The following SHROOM4 variants were observed in gnomAD, a reference collection of about 807,000 sequenced individuals.
SHROOM4 encodes the protein protein Shroom4.
SHROOM4 carries 17 observed loss-of-function variants against 80.3 expected under a neutral mutation model. The ratio of observed to expected loss-of-function variants is 0.21; its 90% CI spans 0.14 to 0.32. The LOEUF is 0.32. Ranked by LOEUF, SHROOM4 falls within the 10% of genes least tolerant of loss-of-function variation. The pLI is 1.00. For missense variants in SHROOM4, 993 were observed against 1,140.3 expected, an observed-to-expected ratio of 0.87 and a Z score of 1.86; for synonymous variants, 400 against 437.5, an observed-to-expected ratio of 0.91 and a Z score of 1.07.
intron 1 of SHROOM4, among the ~76,000 whole-genome samples, chrX:50,811,407 G>A (rs1557273433): frequency 9.1e-6 from 1 of 110,487 alleles, no homozygotes; most frequent in East Asian, 2.8e-4. Context: ...CTAGACCCAG[G>A]TAGGGCAAGT....
intron 2 of SHROOM4, among the ~76,000 whole-genome samples, chrX:50,682,674 T>G (rs192153860): frequency 2.7e-5 from 3 of 111,689 alleles, no homozygotes; most frequent in Non-Finnish European, 5.6e-5. Flanking sequence ...GTCTTGAGTG[T>G]TGAATAAGAG....
chrX:50,773,113 T>G (rs1462777258), intron 1 of SHROOM4, among the ~76,000 whole-genome samples: 1 of 112,494 alleles, frequency 8.9e-6, no homozygotes, highest in Non-Finnish European at 1.9e-5. Context: ...CCAGGCTCTG[T>G]GTTAGGTGCT....
intron 1 of SHROOM4, among the ~76,000 whole-genome samples, chrX:50,772,518 T>A (rs7054893): frequency 0.12 from 13,221 of 110,939 alleles, 1,588 homozygotes; most frequent in African/African-American, 0.37. Flanking sequence ...CTTCCTCTTC[T>A]AGGGCCCTTT....
intron 1 of SHROOM4, among the ~76,000 whole-genome samples, chrX:50,775,176 A>T (rs1935478335): frequency 1.8e-5 from 2 of 111,616 alleles, no homozygotes; most frequent in South Asian, 7.6e-4. Flanking sequence ...TAGACAGCAG[A>T]TACCAGTTTG....
chrX:50,656,026 T>A (rs1188109308), intron 2 of SHROOM4, among the ~76,000 whole-genome samples: 2 of 111,990 alleles, frequency 1.8e-5, no homozygotes, highest in African/African-American at 3.2e-5. Flanking sequence ...AACATTTTTT[T>A]AAATATACCT....
intron 1 of SHROOM4, among the ~76,000 whole-genome samples, chrX:50,797,134 A>G (rs1557272189): frequency 9.1e-6 from 1 of 109,854 alleles, no homozygotes; most frequent in African/African-American, 3.3e-5. Context: ...TATCCACAGG[A>G]TAGAGATAAG....
chrX:50,796,027 G>A (rs1209460701), intron 1 of SHROOM4, among the ~76,000 whole-genome samples: 1 of 111,658 alleles, frequency 9.0e-6, no homozygotes, highest in South Asian at 3.8e-4. Flanking sequence ...GGAGAACTTC[G>A]GATGCCAGAC....
Position 50,805,828 on chromosome X carries a change from T to C in SHROOM4, c.117+8074A>G, listed in dbSNP as rs782047227. ...GATTCTGTCCATCACTGAAACAGGA[T>C]AGAGAGAGATGCAGTGTGAGGAAAT... On this transcript the variant is annotated intron_variant, in intron 1 of 8. Transcript: ENST00000376020. Among the ~76,000 whole-genome samples, 5 of 111,632 alleles carry C rather than the reference T, an allele frequency of 4.5e-5. No homozygotes were observed. In the South Asian group the frequency reaches 1.1e-3, roughly 26 times the overall value.
chrX:50,745,721 G>T (rs1360155101), intron 1 of SHROOM4, among the ~76,000 whole-genome samples: 1 of 111,025 alleles, frequency 9.0e-6, no homozygotes, highest in African/African-American at 3.3e-5. Context: ...CAGCTGGTAA[G>T]AAAGAGACCC....
intron 2 of SHROOM4, among the ~76,000 whole-genome samples, chrX:50,688,872 G>A (rs782654908): frequency 9.1e-6 from 1 of 109,828 alleles, no homozygotes; most frequent in South Asian, 4.0e-4. Context: ...TATATTTTTC[G>A]TGGTCACTTA....
chrX:50,730,119 T>C (rs372292342), intron 1 of SHROOM4, among the ~76,000 whole-genome samples: 303 of 112,178 alleles, frequency 2.7e-3, no homozygotes, highest in African/African-American at 9.2e-3. Context: ...ACCTTTTATC[T>C]CTTAACTGAT....
chrX:50,669,307 C>G (rs1366603437), intron 2 of SHROOM4, among the ~76,000 whole-genome samples: 1 of 111,663 alleles, frequency 9.0e-6, no homozygotes, highest in East Asian at 2.8e-4. Flanking sequence ...TTTCCCTCTC[C>G]TCTCTCCTCT....
chrX:50,742,643 G>C (rs1318155093), intron 1 of SHROOM4, among the ~76,000 whole-genome samples: 1 of 10,503 alleles, frequency 9.5e-5, no homozygotes, highest in Non-Finnish European at 8.8e-3. Context: ...GAATTTTTCG[G>C]GGGGGGGGGC....
rs188218253 is a variant in SHROOM4 at position 50,609,839 on chromosome X, C to T, written c.2958-1655G>A. On this transcript the variant is annotated intron_variant, in intron 5 of 8. Transcript: ENST00000376020. ...ATTCTCATAAGCAATAGAAGAAAAC[C>T]TCCAAATAAGTCCAGGTTTATTTGA... 6.5e-3 allele frequency among the ~76,000 whole-genome samples: 719 copies of T among 110,312 alleles called. 6 individuals carry two copies. Among genetic ancestry groups the T allele is most frequent in the African/African-American group, 0.023 (700 of 30,351 alleles).
Position 50,635,259 on chromosome X carries a change from C to T in SHROOM4, c.814G>A (p.Gly272Ser). Residue 272 changes from glycine to serine, a missense_variant, in exon 4 of 9, where the codon GGC becomes AGC. By Grantham distance (56) the Gly-to-Ser change is moderately conservative. Transcript: ENST00000376020. ...YQSGPAKAVR[G>S]PPQPPVRRDS... ...CGCCTCACTGGAGGTTGTGGTGGGC[C>T]CCTGACTGCTTTGGCGGGCCCTGAC... 2 of 1,202,619 alleles carry T rather than the reference C, an allele frequency of 1.7e-6. No homozygotes were observed. The highest frequency in any genetic ancestry group is 2.2e-6 in the Non-Finnish European group (2 of 890,868).
At position 50,707,625 on chromosome X, in the gene SHROOM4, C is replaced by T. The variant is rs146822384; in HGVS notation, c.118-11688G>A. On this transcript the variant is annotated intron_variant, in intron 1 of 8. Coordinates refer to ENST00000376020, the MANE Select transcript of SHROOM4 (RefSeq NM_020717.5). ...CTTCAATCAAACTGCTCTCCCCACC[C>T]CCACCCCAAGACAATTTCAGTTTCT... Among the ~76,000 whole-genome samples, 550 of 108,459 alleles carry T rather than the reference C, an allele frequency of 5.1e-3. 4 individuals are homozygous for T. The highest frequency in any genetic ancestry group is 0.014 in the Middle Eastern group (3 of 216). The allele number at this position is 108,459 out of a possible 115,157, so 94.2% of individuals were successfully genotyped here.
Position 50,587,066 on chromosome X carries a change from C to T in SHROOM4, c.*9629G>A, listed in dbSNP as rs782753015. On this transcript the variant is annotated 3_prime_UTR_variant, in exon 9 of 9. Coordinates refer to ENST00000376020, the MANE Select transcript of SHROOM4 (RefSeq NM_020717.5). ...GCAACTTTGTAGCTTTGACCAACATCCTCATTTCTTCCACCTCCATCCCCC... is the reference window on the plus strand; with the variant it reads ...GCAACTTTGTAGCTTTGACCAACATTCTCATTTCTTCCACCTCCATCCCCC... 8.0e-5 allele frequency among the ~76,000 whole-genome samples: 9 copies of T among 111,881 alleles called. No individual in the cohort carries two copies. The highest frequency in any genetic ancestry group is 1.5e-4 in the Non-Finnish European group (8 of 53,166).
At chrX:50,644,564 C>T (rs1484864859) in intron 2 of SHROOM4, among the ~76,000 whole-genome samples, 1 of 112,039 alleles carries the variant, frequency 8.9e-6, no homozygotes, top group Non-Finnish European at 1.9e-5. Flanking sequence ...CAGGGTTTTC[C>T]TTTCATTAAC....
chrX:50,702,688 T>C (rs1326489535), intron 1 of SHROOM4, among the ~76,000 whole-genome samples: 1 of 112,153 alleles, frequency 8.9e-6, no homozygotes, highest in African/African-American at 3.2e-5. Flanking sequence ...ATGTTCTACA[T>C]AGTTATCTGG....
Sources: gnomAD v4.1 joint callset for allele counts (sites outside exome capture counted in the v4.1 genomes callset) on GRCh38, gnomAD v4.1.1 for gene constraint, MANE v1.5 for transcripts, NCBI Gene and HGNC (gene_info 2026-07-23, HGNC 2026-07-21) for gene names.